Variants in CUX2 observed in about 807,000 individuals in gnomAD.
CUX2 encodes the protein homeobox protein cut-like 2.
Under a neutral mutation model 144.8 loss-of-function variants are expected in CUX2, and 40 were observed. That is an observed-to-expected ratio of 0.28 (90% CI 0.21 to 0.36). The LOEUF is 0.36. CUX2 is among the 10% of genes least tolerant of loss of function. The probability of loss-of-function intolerance (pLI) is 1.00; values close to 1 mark genes in which losing one functional copy is unlikely to be tolerated. For missense variants in CUX2, 1,615 were observed against 1,994.0 expected, an observed-to-expected ratio of 0.81 and a Z score of 3.62; for synonymous variants, 827 against 875.6, an observed-to-expected ratio of 0.94 and a Z score of 0.98.
chr12:111,212,333 G>GAGTACC (rs1881279498), intron 1 of CUX2, among the ~76,000 whole-genome samples: 1 of 152,112 alleles, frequency 6.6e-6, no homozygotes, highest in Non-Finnish European at 1.5e-5. Flanking sequence ...TTTCAAGTGG[G>GAGTACC]AGTACCCTGT....
intron 1 of CUX2, among the ~76,000 whole-genome samples, chr12:111,197,809 A>G (rs1344864208): frequency 1.3e-5 from 2 of 152,202 alleles, no homozygotes; most frequent in African/African-American, 4.8e-5. Context: ...AGGTTCACAC[A>G]GTGAAATAAC....
chr12:111,298,520 G>A, intron 8 of CUX2, 21 bp from the exon 9 acceptor site: 2 of 1,565,940 alleles, frequency 1.3e-6, no homozygotes, highest in Non-Finnish European at 1.7e-6. Flanking sequence ...CCTTCCTCAG[G>A]GCCTCATCTT....
At chr12:111,148,638 G>A (rs575238039) in intron 1 of CUX2, among the ~76,000 whole-genome samples, 4 of 152,116 alleles carry the variant, frequency 2.6e-5, no homozygotes, top group East Asian at 1.9e-4. Context: ...GCTGCAGTGC[G>A]TACGTGACAC....
At chr12:111,335,825 G>A (rs368510204) in intron 19 of CUX2, among the ~76,000 whole-genome samples, 54 of 152,180 alleles carry the variant, frequency 3.5e-4, no homozygotes, top group African/African-American at 2.4e-4. Context: ...AGGCCTGCAC[G>A]AGCCCAGGAA....
intron 1 of CUX2, among the ~76,000 whole-genome samples, chr12:111,166,005 A>T (rs1340596542): frequency 1.3e-5 from 2 of 152,078 alleles, no homozygotes; most frequent in Non-Finnish European, 2.9e-5. Flanking sequence ...CAGTGTGTCC[A>T]CTTTGACTCT....
chr12:111,133,614 T>C (rs1046874102), intron 1 of CUX2, among the ~76,000 whole-genome samples: 2 of 152,192 alleles, frequency 1.3e-5, no homozygotes, highest in Middle Eastern at 3.4e-3. Flanking sequence ...AAATTCAAGT[T>C]GAGATTTGGG....
intron 1 of CUX2, among the ~76,000 whole-genome samples, chr12:111,060,272 G>T (rs1246561639): frequency 6.6e-6 from 1 of 152,166 alleles, no homozygotes; most frequent in Non-Finnish European, 1.5e-5. Flanking sequence ...CCCAGCCAGG[G>T]TTAAATTATT....
rs946229332 is a variant in CUX2, at chr12:111,322,646, G to A, written c.2926+66G>A. 123 of 1,558,206 alleles carry A rather than the reference G, an allele frequency of 7.9e-5. No homozygotes were observed. The highest frequency in any genetic ancestry group is 9.4e-5 in the Admixed American group (5 of 53,000). On this transcript the variant is annotated intron_variant, in intron 18 of 21. Coordinates refer to ENST00000261726, the MANE Select transcript of CUX2 (RefSeq NM_015267.4). The surrounding 1 kb of genome is among the most constrained non-coding windows in gnomAD (Gnocchi z 4.2). ...TTCCCACCTGCGCAGTGGCATGTCC[G>A]CCTGGCTTTACTGCCCGAGTCTACC...
Position 111,342,040 on chromosome 12 carries a change from T to C in CUX2, c.3646T>C (p.Phe1216Leu). ...NLKTNTVINW[F>L]HNYRSRMRRE... ...CAAGACCAACACCGTCATCAACTGG[T>C]TCCACAACTACAGGTGGGACTATGG... The change falls in exon 21 of 22, where the codon TTC becomes CTC. Residue 1216 changes from phenylalanine to leucine, a missense_variant. Transcript: ENST00000261726. The C allele has an allele frequency of 6.2e-7, 1 of 1,613,202 alleles. No homozygotes were observed. Among genetic ancestry groups the C allele is most frequent in the South Asian group, 1.1e-5 (1 of 90,954 alleles).
chr12:111,166,139 C>A (rs1453967930), intron 1 of CUX2, among the ~76,000 whole-genome samples: 1 of 152,160 alleles, frequency 6.6e-6, no homozygotes, highest in Non-Finnish European at 1.5e-5. Context: ...CTGCCTCAGC[C>A]TCCTGAGTAG....
chr12:111,345,808 A>C (rs1329700206), intron 21 of CUX2, among the ~76,000 whole-genome samples: 2 of 151,134 alleles, frequency 1.3e-5, no homozygotes, highest in African/African-American at 2.4e-5. Flanking sequence ...GCACCAACCT[A>C]ACAGAAAATG....
chr12:111,075,132 G>C lies in CUX2; in HGVS notation c.63+40892G>C, dbSNP rs1871458276. 2.7e-5 allele frequency among the ~76,000 whole-genome samples: 4 copies of C among 150,692 alleles called. No homozygotes were observed. The South Asian group carries it at 8.5e-4, about 32-fold the overall frequency. On this transcript the variant is annotated intron_variant, in intron 1 of 21. Coordinates refer to ENST00000261726, the MANE Select transcript of CUX2 (RefSeq NM_015267.4). ...GCCGCACCCTGAGCCCTGCTCACAG[G>C]AGCAGCCGCTCTCCCTGGCTCTGGA... is the stretch of plus-strand genomic sequence containing the variant.
chr12:111,320,144 T>C lies in CUX2; in HGVS notation c.2135T>C (p.Leu712Pro), dbSNP rs1447318899. 6.4e-7 allele frequency: 1 copy of C among 1,551,288 alleles called. No homozygotes were observed. The highest frequency in any genetic ancestry group is 2.0e-5 in the Admixed American group (1 of 51,030). Residue 712 changes from leucine (L) to proline (P), a missense_variant, in exon 17 of 22, where the codon CTG (leucine) becomes CCG (proline). By Grantham distance (98) the Leu-to-Pro change is moderately conservative (BLOSUM62 -3). Transcript: ENST00000261726. The surrounding 1 kb of genome is among the most constrained non-coding windows in gnomAD (Gnocchi z 8.1). The part of the protein sequence containing the change: ...REMQAQQQAL[L>P]EMEVAPRGRS... ...ATGCAGGCGCAACAGCAGGCGCTGCTGGAGATGGAGGTGGCGCCCAGGGGC... is the reference window on the plus strand; with the variant it reads ...ATGCAGGCGCAACAGCAGGCGCTGCCGGAGATGGAGGTGGCGCCCAGGGGC...
At chr12:111,306,744 G>A (rs1368847279) in intron 10 of CUX2, among the ~76,000 whole-genome samples, 177 bp from the exon 11 acceptor site, 1 of 152,114 alleles carries the variant, frequency 6.6e-6, no homozygotes, top group East Asian at 1.9e-4. Flanking sequence ...TAATACATAA[G>A]GAAAAGTGTA....
intron 1 of CUX2, among the ~76,000 whole-genome samples, chr12:111,138,677 C>G (rs1239629458): frequency 6.6e-6 from 1 of 152,040 alleles, no homozygotes; most frequent in Admixed American, 6.5e-5. Context: ...GGTGGCCCAC[C>G]CAGACCCCTT....
rs1888250652 is a variant in CUX2 at position 111,334,435 on chromosome 12, C to G, written c.2927-6C>G. ...TAACCACCTTCTCTTTCTCTGTGGC[C>G]CACAGCCAGTCCCACAGAACCAAGG... On this transcript the variant is annotated splice_polypyrimidine_tract_variant and splice_region_variant and intron_variant, in intron 18 of 21. Coordinates refer to ENST00000261726, the MANE Select transcript of CUX2 (RefSeq NM_015267.4). The G allele has an allele frequency of 6.3e-7, 1 of 1,578,142 alleles. No individual in the cohort carries two copies. The highest frequency in any genetic ancestry group is 8.6e-7 in the Non-Finnish European group (1 of 1,162,646).
At chr12:111,319,986 G>A in intron 16 of CUX2, 26 bp from the exon 17 acceptor site, 1 of 1,459,056 alleles carries the variant, frequency 6.9e-7, no homozygotes, top group Non-Finnish European at 9.0e-7. Flanking sequence ...CCTGGGCCTC[G>A]GGCCGTCCTG....
intron 3 of CUX2, among the ~76,000 whole-genome samples, chr12:111,253,069 T>G (rs546263184): frequency 6.6e-6 from 1 of 152,182 alleles, no homozygotes; most frequent in East Asian, 1.9e-4. Flanking sequence ...GCCACCATCC[T>G]GCTCTGAGCC....
At chr12:111,189,577 G>A (rs1879754136) in intron 1 of CUX2, among the ~76,000 whole-genome samples, 1 of 152,228 alleles carries the variant, frequency 6.6e-6, no homozygotes, top group Admixed American at 6.5e-5. Context: ...GATCACAAAT[G>A]TATTTATCCA....
Sources: allele counts gnomAD v4.1 joint callset (sites outside exome capture counted in the v4.1 genomes callset), GRCh38; gene constraint gnomAD v4.1.1; non-coding constraint Gnocchi (gnomAD v3.1); transcripts MANE v1.5; gene names NCBI Gene and HGNC (gene_info 2026-07-23, HGNC 2026-07-21).